ROBO2: variants seen among roughly 807,000 people sequenced by gnomAD.
ROBO2 encodes roundabout homolog 2.
ROBO2 carries 53 observed loss-of-function variants against 160.8 expected under a neutral mutation model. The ratio of observed to expected loss-of-function variants is 0.33; its 90% CI spans 0.26 to 0.41. The LOEUF is 0.41. ROBO2 is among the 10% of genes least tolerant of loss of function. ROBO2 has a pLI of 1.00. For synonymous variants in ROBO2, 664 were observed against 611.7 expected (o/e 1.09, Z -1.26); for missense variants, 1,577 against 1,722.4 (o/e 0.92, Z 1.49).
At chr3:76,136,151 A>T (rs1321738501) in intron 2 of ROBO2, among the ~76,000 whole-genome samples, 1 of 152,102 alleles carries the variant, frequency 6.6e-6, no homozygotes, top group Admixed American at 6.6e-5. Context: ...ATTGGGTTTA[A>T]TACTCTCTTG....
chr3:77,647,019 A>G (rs2095417043), exon 26 of ROBO2: 1 of 152,556 alleles, frequency 6.6e-6, no homozygotes, highest in Admixed American at 6.5e-5. Flanking sequence ...TCAGAATATA[A>G]TATGAAGTTC....
intron 2 of ROBO2, among the ~76,000 whole-genome samples, chr3:76,849,734 C>A (rs2069133950): frequency 1.3e-5 from 2 of 152,148 alleles, no homozygotes; most frequent in East Asian, 1.9e-4. Flanking sequence ...TTATTAGAAG[C>A]AGGTAGTGGG....
chr3:76,288,760 A>G (rs906784500), intron 2 of ROBO2, among the ~76,000 whole-genome samples: 5 of 152,148 alleles, frequency 3.3e-5, no homozygotes, highest in African/African-American at 9.6e-5. Context: ...CTGTTCATAC[A>G]TTAATTCACT....
At chr3:76,613,187 T>G (rs1327602134) in intron 2 of ROBO2, among the ~76,000 whole-genome samples, 1 of 152,182 alleles carries the variant, frequency 6.6e-6, no homozygotes, top group African/African-American at 2.4e-5. Context: ...TCTGTCTTCT[T>G]GTTTTCATTC....
chr3:77,308,951 A>G (rs1286907385), intron 2 of ROBO2, among the ~76,000 whole-genome samples: 1 of 152,132 alleles, frequency 6.6e-6, no homozygotes, highest in Non-Finnish European at 1.5e-5. Context: ...TTTTAGTCCA[A>G]TATTTTCTCG....
intron 2 of ROBO2, among the ~76,000 whole-genome samples, chr3:76,483,347 T>G (rs1055053180): frequency 6.6e-6 from 1 of 151,858 alleles, no homozygotes; most frequent in Admixed American, 6.6e-5. Flanking sequence ...TTTAAGTTCA[T>G]GGGTTCCTGT....
chr3:76,489,837 G>A lies in ROBO2; in HGVS notation c.109+552235G>A, dbSNP rs11718272. ...ATAAACATTTTAATATTTTAATGAG[G>A]TATTTTTGCACTTATTGAATTATAA... On this transcript the variant is annotated intron_variant, in intron 2 of 26. Transcript: ENST00000487694. 4.0e-3 allele frequency among the ~76,000 whole-genome samples: 610 copies of A among 151,900 alleles called. 8 individuals are homozygous for A. Among genetic ancestry groups the A allele is most frequent in the Non-Finnish European group, 3.9e-3 (265 of 67,918 alleles).
At chr3:77,238,772 T>A (rs1191684794) in intron 2 of ROBO2, among the ~76,000 whole-genome samples, 3 of 152,220 alleles carry the variant, frequency 2.0e-5, no homozygotes, top group Non-Finnish European at 4.4e-5. Context: ...ACCTTGGTCC[T>A]CTACATATAC....
At position 76,218,442 on chromosome 3, in the gene ROBO2, G is replaced by T. The variant is rs1223736413; in HGVS notation, c.109+280840G>T. On this transcript the variant is annotated intron_variant, in intron 2 of 26. Transcript: ENST00000487694. ...TTGTCTCAGCCCAAAATCTCCTTAA[G>T]CTGATAAGCAACTTCAGCAAAGTCT... is the stretch of plus-strand genomic sequence containing the variant. 4.6e-5 allele frequency among the ~76,000 whole-genome samples: 7 copies of T among 152,164 alleles called. No homozygotes were observed. In the South Asian group the frequency reaches 1.0e-3, roughly 23 times the overall value.
intron 2 of ROBO2, among the ~76,000 whole-genome samples, chr3:76,431,959 A>G (rs1303240319): frequency 1.3e-5 from 2 of 152,330 alleles, no homozygotes; most frequent in African/African-American, 4.8e-5. Flanking sequence ...AAATAAGAGA[A>G]TGACTCCTAG....
At chr3:76,889,288 A>G (rs1275891120) in intron 2 of ROBO2, among the ~76,000 whole-genome samples, 1 of 152,204 alleles carries the variant, frequency 6.6e-6, no homozygotes, top group Non-Finnish European at 1.5e-5. Context: ...TAAAAAAGAG[A>G]TTCAAAATAT....
At chr3:77,506,458 G>C (rs1336118406) in intron 5 of ROBO2, among the ~76,000 whole-genome samples, 1 of 152,072 alleles carries the variant, frequency 6.6e-6, no homozygotes, top group Non-Finnish European at 1.5e-5. Context: ...TCCTATGACT[G>C]TCACATGGTG....
At chr3:76,641,741 T>C (rs1380495713) in intron 2 of ROBO2, among the ~76,000 whole-genome samples, 1 of 152,134 alleles carries the variant, frequency 6.6e-6, no homozygotes, top group East Asian at 1.9e-4. Context: ...TGTAGGTTTT[T>C]ATTTATTTAT....
rs548481921 is a variant in ROBO2, at chr3:77,578,370, T to C, written c.2328+756T>C. On this transcript the variant is annotated intron_variant, in intron 15 of 25. Transcript: ENST00000461745. ...AAAACTATAATTTATTAATAAATCA[T>C]CTATTGATATCATTTATTAATAAAT... Among the ~76,000 whole-genome samples the C allele has an allele frequency of 9.9e-5, 15 of 152,188 alleles. No homozygotes were observed. The South Asian group carries it at 2.7e-3, about 27-fold the overall frequency.
chr3:76,193,594 A>G (rs550058269), intron 2 of ROBO2, among the ~76,000 whole-genome samples: 2 of 152,356 alleles, frequency 1.3e-5, no homozygotes, highest in African/African-American at 2.4e-5. Context: ...TGTTGCAAGT[A>G]GAAAATAATT....
chr3:76,055,995 C>T (rs2067832034), intron 2 of ROBO2, among the ~76,000 whole-genome samples: 1 of 152,158 alleles, frequency 6.6e-6, no homozygotes, highest in African/African-American at 2.4e-5. Flanking sequence ...ACTCATTCAA[C>T]ACTTCTGGGA....
At chr3:77,425,333 T>A (rs1368534066) in intron 2 of ROBO2, among the ~76,000 whole-genome samples, 2 of 152,222 alleles carry the variant, frequency 1.3e-5, no homozygotes, top group Non-Finnish European at 2.9e-5. Flanking sequence ...ACAGATGATG[T>A]GGTAAAAAGC....
Position 77,322,800 on chromosome 3 carries a change from A to T in ROBO2, c.389-154614A>T, listed in dbSNP as rs1425043354. On this transcript the variant is annotated intron_variant, in intron 2 of 25. Transcript: ENST00000461745. ...TATGTATTATAATATATTATGTAATATATTATATTATACATATGTATTATA... is the reference window on the plus strand; with the variant it reads ...TATGTATTATAATATATTATGTAATTTATTATATTATACATATGTATTATA... Among the ~76,000 whole-genome samples, 4 of 132,948 alleles carry T rather than the reference A, an allele frequency of 3.0e-5. 1 individual carries two copies. The highest frequency in any genetic ancestry group is 6.2e-5 in the Non-Finnish European group (4 of 64,754). 87.2% of individuals were successfully genotyped at this position (132,948 alleles called of 152,430 possible). A position where few individuals can be genotyped will look rare whatever the true frequency, so the allele number is the denominator to read the frequency against.
chr3:76,373,317 C>T (rs921657976), intron 2 of ROBO2, among the ~76,000 whole-genome samples: 1 of 151,876 alleles, frequency 6.6e-6, no homozygotes, highest in African/African-American at 2.4e-5. Flanking sequence ...TTGTTTAATT[C>T]TTTTATTTAG....
Sources: gnomAD v4.1 joint callset for allele counts (sites outside exome capture counted in the v4.1 genomes callset) on GRCh38, gnomAD v4.1.1 for gene constraint, MANE v1.5 for transcripts, NCBI Gene and HGNC (gene_info 2026-07-23, HGNC 2026-07-21) for gene names.